The following TTLL5 variants were observed in gnomAD, a reference collection of about 807,000 sequenced individuals.
The protein encoded by TTLL5 is tubulin tyrosine ligase like 5.
In TTLL5, 132 loss-of-function variants were observed where a neutral mutation model predicts 168.4. The ratio of observed to expected loss-of-function variants is 0.78; its 90% confidence interval spans 0.68 to 0.91. The LOEUF is 0.91. Among genes scored for constraint, TTLL5 ranks in the 40% least tolerant of loss-of-function variants. The pLI, the probability that TTLL5 is intolerant of heterozygous loss-of-function variation, is 0.00. For missense variants in TTLL5, 1,545 were observed against 1,581.5 expected (o/e 0.98, Z 0.39); for synonymous variants, 546 against 558.6 (o/e 0.98, Z 0.32).
chr14:75,711,994 G>C (rs962356117), intron 9 of TTLL5: 2 of 152,460 alleles, frequency 1.3e-5, no homozygotes, highest in African/African-American at 4.8e-5. Context: ...ACCCTTTCCA[G>C]TGCTCATTGT....
At chr14:75,700,438 A>C (rs1886187167) in intron 7 of TTLL5, among the ~76,000 whole-genome samples, 1 of 152,182 alleles carries the variant, frequency 6.6e-6, no homozygotes, top group Non-Finnish European at 1.5e-5. Context: ...GGAACACTCG[A>C]CTGGTAAGGC....
chr14:75,828,296 G>T (rs146194504), intron 28 of TTLL5, among the ~76,000 whole-genome samples: 5 of 152,146 alleles, frequency 3.3e-5, no homozygotes, highest in African/African-American at 1.2e-4. Context: ...CCCTGAGACA[G>T]CAAGACAAAC....
At chr14:75,699,334 TTG>T in intron 7 of TTLL5, 64 bp downstream of exon 7, 1 of 1,364,482 alleles carries the variant, frequency 7.3e-7, no homozygotes, top group Non-Finnish European at 1.0e-6. Flanking sequence ...ACCCTTTGTA[TTG>T]GTTACTAATA....
chr14:75,690,288 C>A lies in TTLL5; in HGVS notation c.468C>A (p.Thr156=), dbSNP rs149433867. Residue 156 remains threonine, a synonymous_variant, in exon 6 of 32, where the codon ACC becomes ACA. Transcript: ENST00000298832. ...GFKAFHILPQ[T]FLLPAEYAEF... ...AGGCTTTTCACATCCTCCCCCAGAC[C>A]TTCCTCCTGCCAGCTGAGTACGCGG... 6.2e-7 allele frequency: 1 copy of A among 1,610,254 alleles called. No homozygotes were observed. Among genetic ancestry groups the A allele is most frequent in the African/African-American group, 1.3e-5 (1 of 74,836 alleles).
intron 28 of TTLL5, among the ~76,000 whole-genome samples, chr14:75,821,419 T>TA (rs1238834420): frequency 6.6e-6 from 1 of 152,196 alleles, no homozygotes; most frequent in Non-Finnish European, 1.5e-5. Context: ...TTATTTTCCA[T>TA]AAAAAAATTT....
intron 9 of TTLL5, among the ~76,000 whole-genome samples, chr14:75,717,064 G>T (rs140354153): frequency 4.6e-5 from 7 of 151,576 alleles, no homozygotes; most frequent in South Asian, 2.1e-4. Context: ...ACATATAGCT[G>T]TGCTGTCATT....
chr14:75,807,776 G>A lies in TTLL5; in HGVS notation c.3172-12231G>A, dbSNP rs1011382884. 5.9e-5 allele frequency among the ~76,000 whole-genome samples: 9 copies of A among 152,302 alleles called. 1 individual carries two copies. Among genetic ancestry groups the A allele is most frequent in the African/African-American group, 1.9e-4 (8 of 41,558 alleles). On this transcript the variant is annotated intron_variant, in intron 27 of 31. Coordinates refer to ENST00000298832, the MANE Select transcript of TTLL5 (RefSeq NM_015072.5). ...AACCTCTCATTAGACGAAAGTGACC[G>A]AACTTCACCCTGTGAGCTTGTTGTT...
At chr14:75,793,288 G>A (rs1299926136) in intron 27 of TTLL5, among the ~76,000 whole-genome samples, 188 bp downstream of exon 27, 1 of 152,084 alleles carries the variant, frequency 6.6e-6, no homozygotes, top group Admixed American at 6.6e-5. Context: ...ATAACTTTCT[G>A]TTACAGGCAT....
In TTLL5 at chr14:75,764,683, C is replaced by T. The variant is rs1178403095; in HGVS notation, c.1619C>T (p.Ala540Val). Reference sequence around the variant, plus strand: ...AATTCAAAGGCCAAGCTGCATGCTGCACTTTACGAGAGGAAGCTCCTGTCT... The same window carrying T: ...AATTCAAAGGCCAAGCTGCATGCTGTACTTTACGAGAGGAAGCTCCTGTCT... ...SLNSKAKLHAALYERKLLSLE... is the reference protein window; with the variant it reads ...SLNSKAKLHAVLYERKLLSLE... Residue 540 changes from alanine to valine, a missense_variant, in exon 19 of 32, where the codon GCA (alanine) becomes GTA (valine). Coordinates refer to ENST00000298832, the MANE Select transcript of TTLL5 (RefSeq NM_015072.5). The T allele has an allele frequency of 2.5e-6, 4 of 1,614,150 alleles. No individual in the cohort carries two copies. Among genetic ancestry groups the T allele is most frequent in the East Asian group, 2.2e-5 (1 of 44,874 alleles).
intron 29 of TTLL5, among the ~76,000 whole-genome samples, chr14:75,867,184 G>A (rs972326176): frequency 1.3e-5 from 2 of 152,194 alleles, no homozygotes; most frequent in African/African-American, 4.8e-5. Context: ...AAATGAATGA[G>A]TGTGGCGGTC....
chr14:75,902,523 A>G (rs558678339), intron 31 of TTLL5: 17 of 561,002 alleles, frequency 3.0e-5, no homozygotes, highest in African/African-American at 3.0e-4. Context: ...TTCACTGTCT[A>G]TGTTGTATTT....
At chr14:75,765,904 T>G (rs1031808014) in intron 19 of TTLL5, among the ~76,000 whole-genome samples, 158 bp from the exon 20 acceptor site, 3 of 152,042 alleles carry the variant, frequency 2.0e-5, no homozygotes, top group East Asian at 1.9e-4. Context: ...TAAAAGAATA[T>G]ATGAGATTAG....
At chr14:75,794,794 A>G (rs8015701) in intron 27 of TTLL5, among the ~76,000 whole-genome samples, 111,130 of 152,076 alleles carry the variant, frequency 0.73, 41,203 homozygotes, top group Admixed American at 0.79. Context: ...AGAAAGAGCT[A>G]GATTAGCCAT....
At chr14:75,949,975 GA>G (rs2034908619) in intron 31 of TTLL5, among the ~76,000 whole-genome samples, 2 of 152,114 alleles carry the variant, frequency 1.3e-5, no homozygotes, top group African/African-American at 4.8e-5. Context: ...ATGAAAGAGA[GA>G]AGAACCCTTA....
chr14:75,843,091 T>TC (rs1896345901), intron 28 of TTLL5, among the ~76,000 whole-genome samples: 2 of 152,184 alleles, frequency 1.3e-5, no homozygotes, highest in South Asian at 4.1e-4. Context: ...CAGGATATTT[T>TC]CTCCCCTTGC....
chr14:75,928,750 T>C (rs1311808208), intron 31 of TTLL5, among the ~76,000 whole-genome samples: 1 of 152,034 alleles, frequency 6.6e-6, no homozygotes, highest in Non-Finnish European at 1.5e-5. Context: ...TCCCCTTAGT[T>C]GTGATAGGAA....
At chr14:75,887,131 CTGTT>C in intron 30 of TTLL5, 1 of 1,046,020 alleles carries the variant, frequency 9.6e-7, no homozygotes, top group Non-Finnish European at 1.1e-6. Context: ...ACAGTGGTGT[CTGTT>C]AAGGCTGCCA....
intron 28 of TTLL5, chr14:75,820,488 G>GTT: frequency 3.8e-5 from 7 of 184,360 alleles, no homozygotes; most frequent in Admixed American, 6.3e-5. Flanking sequence ...TTGTCTCTTA[G>GTT]TTTTTTTTTT....
intron 31 of TTLL5, among the ~76,000 whole-genome samples, chr14:75,927,466 A>T (rs1479756424): frequency 6.6e-6 from 1 of 152,236 alleles, no homozygotes; most frequent in Non-Finnish European, 1.5e-5. Flanking sequence ...TGAAAGAATC[A>T]ATAGTTAATA....
Sources: allele counts gnomAD v4.1 joint callset (sites outside exome capture counted in the v4.1 genomes callset), GRCh38; gene constraint gnomAD v4.1.1; transcripts MANE v1.5; gene names NCBI Gene and HGNC (gene_info 2026-07-23, HGNC 2026-07-21).